The following ACTR3B variants were observed in gnomAD, a reference collection of about 807,000 sequenced individuals.
The protein encoded by ACTR3B is actin related protein 3B, also known as actin-related protein 3B.
In ACTR3B, 8 loss-of-function variants were observed where a neutral mutation model predicts 59.0. That is an observed-to-expected ratio of 0.14 (90% CI 0.08 to 0.24). The LOEUF is 0.24. Ranked by LOEUF, ACTR3B falls within the 10% of genes least tolerant of loss-of-function variation. The pLI, the probability that ACTR3B is intolerant of heterozygous loss-of-function variation, is 1.00. For missense variants in ACTR3B, 245 were observed against 552.3 expected (o/e 0.44, Z 5.58); for synonymous variants, 148 against 197.9 (o/e 0.75, Z 2.12).
At position 152,759,807 on chromosome 7, in the gene ACTR3B, G is replaced by C. The variant is rs1305991086; in HGVS notation, c.-76G>C. On this transcript the variant is annotated 5_prime_UTR_variant, in exon 1 of 12. Transcript: ENST00000256001. Reference sequence around the variant, plus strand: ...GCTCGCGGGAGACGCTGCGCGCGGGGCTAGCGGGCGGCGGAGCGGACGGCG... The same window carrying C: ...GCTCGCGGGAGACGCTGCGCGCGGGCCTAGCGGGCGGCGGAGCGGACGGCG... The C allele has an allele frequency of 2.7e-6, 3 of 1,114,864 alleles. No individual in the cohort carries two copies. Among genetic ancestry groups the C allele is most frequent in the South Asian group, 4.1e-5 (1 of 24,288 alleles). The allele number at this position is 1,114,864 out of a possible 1,614,324, so 69.1% of individuals were successfully genotyped here. A position where few individuals can be genotyped will look rare whatever the true frequency, so the allele number is the denominator to read the frequency against.
intron 2 of ACTR3B, among the ~76,000 whole-genome samples, chr7:152,799,406 G>C (rs1455826265): frequency 1.3e-5 from 2 of 152,154 alleles, no homozygotes; most frequent in Non-Finnish European, 2.9e-5. Context: ...TTCCCTTTCT[G>C]TGAAATGCAG....
Position 152,824,664 on chromosome 7 carries a change from A to G in ACTR3B, c.859-366A>G, listed in dbSNP as rs1197772575. ...ATACTAATTTTCTCATAATACGAAT[A>G]TTGTCAAATGATATGTCAAAGTCAT... On this transcript the variant is annotated intron_variant, in intron 8 of 11. Coordinates refer to ENST00000256001, the MANE Select transcript of ACTR3B (RefSeq NM_020445.6). This position sits in a 1 kb window ranked among gnomAD's most constrained non-coding sequence, Gnocchi z 4.2. Among the ~76,000 whole-genome samples, 1 of 152,118 alleles carries G rather than the reference A, an allele frequency of 6.6e-6. No homozygotes were observed. The highest frequency in any genetic ancestry group is 2.4e-5 in the African/African-American group (1 of 41,428).
chr7:152,821,199 T>A lies in ACTR3B; in HGVS notation c.684+757T>A, dbSNP rs191048744. 2.3e-3 allele frequency among the ~76,000 whole-genome samples: 355 copies of A among 152,278 alleles called. 6 individuals are homozygous for A. In the East Asian group the frequency reaches 0.032, roughly 14 times the overall value. On this transcript the variant is annotated intron_variant, in intron 7 of 11. Transcript: ENST00000256001. ...TCTCAGGGGAAGGTTTCCTGAGGTA[T>A]CATTAGATATTCTTTTTTAGACTAA... is the stretch of plus-strand genomic sequence containing the variant.
At position 152,853,834 on chromosome 7, in the gene ACTR3B, A is replaced by T. The variant is rs376973783; in HGVS notation, c.1161+257A>T. 6.3e-4 allele frequency among the ~76,000 whole-genome samples: 96 copies of T among 152,190 alleles called. 1 individual carries two copies. The highest frequency in any genetic ancestry group is 2.3e-3 in the African/African-American group (95 of 41,516). The stretch of plus-strand genomic sequence containing the variant: ...CGGGTTTAAGCAATTCTCCAGCCTC[A>T]GCCTCCTGAGTAGCTGGGACTACAG... On this transcript the variant is annotated intron_variant, in intron 11 of 11. Coordinates refer to ENST00000256001, the MANE Select transcript of ACTR3B (RefSeq NM_020445.6).
At chr7:152,852,884 T>C (rs572046646) in intron 10 of ACTR3B, among the ~76,000 whole-genome samples, 26 of 150,544 alleles carry the variant, frequency 1.7e-4, no homozygotes, top group South Asian at 1.5e-3. Context: ...CTCTGCCTCC[T>C]GGGTTCACAC....
rs139079402 is a variant in ACTR3B at position 152,771,541 on chromosome 7, G to A, written c.44+11615G>A. 3.3e-3 allele frequency among the ~76,000 whole-genome samples: 498 copies of A among 152,310 alleles called. 1 individual carries two copies. Among genetic ancestry groups the A allele is most frequent in the African/African-American group, 0.011 (461 of 41,566 alleles). On this transcript the variant is annotated intron_variant, in intron 1 of 11. Transcript: ENST00000256001. Reference sequence around the variant, plus strand: ...CGGTAGGAAAGAACAAAGAGGTCATGGTGATTAGAGAGAAGATTGAAGCTG... The same window carrying A: ...CGGTAGGAAAGAACAAAGAGGTCATAGTGATTAGAGAGAAGATTGAAGCTG...
At chr7:152,843,662 T>C (rs977537320) in intron 9 of ACTR3B, among the ~76,000 whole-genome samples, 1 of 152,202 alleles carries the variant, frequency 6.6e-6, no homozygotes, top group Non-Finnish European at 1.5e-5. Context: ...TACAGAGACA[T>C]GACAAGTAAT....
chr7:152,845,542 G>A (rs1464743475), intron 9 of ACTR3B, among the ~76,000 whole-genome samples: 2 of 152,270 alleles, frequency 1.3e-5, no homozygotes, highest in East Asian at 3.8e-4. Flanking sequence ...GTTTCACGGT[G>A]AGGAAGCAGG....
chr7:152,795,778 C>A (rs2098214171), intron 2 of ACTR3B, among the ~76,000 whole-genome samples: 1 of 152,038 alleles, frequency 6.6e-6, no homozygotes, highest in Non-Finnish European at 1.5e-5. Context: ...ACATTAAACA[C>A]ACCCGTGCAA....
rs1203634638 is a variant in ACTR3B, at chr7:152,771,508, G to A, written c.44+11582G>A. ...GTGAGGATCAACTTCCTGAAATTAC[G>A]TAGACCACGGTAGGAAAGAACAAAG... On this transcript the variant is annotated intron_variant, in intron 1 of 11. Transcript: ENST00000256001. Among the ~76,000 whole-genome samples the A allele has an allele frequency of 2.6e-5, 4 of 152,158 alleles. No homozygotes were observed. In the South Asian group the frequency reaches 6.2e-4, roughly 24 times the overall value.
intron 1 of ACTR3B, among the ~76,000 whole-genome samples, chr7:152,769,330 T>G (rs925191598): frequency 2.6e-5 from 4 of 152,160 alleles, no homozygotes; most frequent in Non-Finnish European, 5.9e-5. Flanking sequence ...TTCACTAGAG[T>G]TGTTGATTTA....
At position 152,853,413 on chromosome 7, in the gene ACTR3B, C is replaced by G. The variant is rs186912886; in HGVS notation, c.1078-81C>G. The G allele has an allele frequency of 2.3e-6, 3 of 1,324,422 alleles. No individual in the cohort carries two copies. The African/African-American group carries it at 4.4e-5, about 19-fold the overall frequency. The allele number at this position is 1,324,422 out of a possible 1,614,324, so 82.0% of individuals were successfully genotyped here. ...AAGAGGAGGGCGGCCCTGGGTGCAG[C>G]TGTGGTCTCGTCAGCCGGGGGATGA... On this transcript the variant is annotated intron_variant, in intron 10 of 11. Transcript: ENST00000256001.
chr7:152,854,293 C>T lies in ACTR3B; in HGVS notation c.1162-165C>T, dbSNP rs1245683555. On this transcript the variant is annotated intron_variant, in intron 11 of 11. Transcript: ENST00000256001. This position sits in a 1 kb window ranked among gnomAD's most constrained non-coding sequence, Gnocchi z 4.9. The stretch of plus-strand genomic sequence containing the variant: ...AAATTTCTAAAAAGTGAAATAACTC[C>T]CCATTTAGTAGTTTAGTACATCAGA... 6.6e-6 allele frequency among the ~76,000 whole-genome samples: 1 copy of T among 152,096 alleles called. No homozygotes were observed. The highest frequency in any genetic ancestry group is 6.6e-5 in the Admixed American group (1 of 15,266).
At chr7:152,780,166 C>T (rs147240044) in intron 1 of ACTR3B, among the ~76,000 whole-genome samples, 1,847 of 152,134 alleles carry the variant, frequency 0.012, 36 homozygotes, top group African/African-American at 0.043. Context: ...GCTTGGCCAA[C>T]ATGGTGAAAC....
intron 1 of ACTR3B, among the ~76,000 whole-genome samples, chr7:152,780,722 C>T (rs1241020329): frequency 2.0e-5 from 3 of 151,790 alleles, no homozygotes. Flanking sequence ...CCATTTGTTT[C>T]ATACATTTCA....
rs542283229 is a variant in ACTR3B at position 152,791,118 on chromosome 7, A to G, written c.100+7876A>G. Among the ~76,000 whole-genome samples, 37 of 151,600 alleles carry G rather than the reference A, an allele frequency of 2.4e-4. No homozygotes were observed. In the South Asian group the frequency reaches 4.2e-3, roughly 17 times the overall value. ...AACCTTCACCTCCTGGGTTCAAGCA[A>G]TTCTGCCTCAGCCTCCCAAGTAGCT... On this transcript the variant is annotated intron_variant, in intron 2 of 11. Coordinates refer to ENST00000256001, the MANE Select transcript of ACTR3B (RefSeq NM_020445.6).
At position 152,852,407 on chromosome 7, in the gene ACTR3B, G is replaced by A. The variant is rs115650402; in HGVS notation, c.1077+156G>A. Among the ~76,000 whole-genome samples the A allele has an allele frequency of 1.0e-2, 1,517 of 152,270 alleles. 27 individuals are homozygous for A. Among genetic ancestry groups the A allele is most frequent in the African/African-American group, 0.034 (1,415 of 41,556 alleles). On this transcript the variant is annotated intron_variant, in intron 10 of 11. Transcript: ENST00000256001. ...GCTGCATTGTGACATGACCATGGAG[G>A]TTTGCTGCCTGAGGTCCTTCCAGGC...
chr7:152,759,965 C>T (rs1590172118), intron 1 of ACTR3B, 39 bp downstream of exon 1: 1 of 1,327,916 alleles, frequency 7.5e-7, no homozygotes, highest in Non-Finnish European at 9.7e-7. Flanking sequence ...TCCTCCGCGG[C>T]CCCGCTCCCG....
rs1796421074 is a variant in ACTR3B at position 152,824,519 on chromosome 7, A to G, written c.859-511A>G. 1.3e-5 allele frequency among the ~76,000 whole-genome samples: 2 copies of G among 152,214 alleles called. No individual in the cohort carries two copies. The highest frequency in any genetic ancestry group is 6.5e-5 in the Admixed American group (1 of 15,284). ...AATCTATGGCTGTTTATTCAATAAC[A>G]TGATTATCATGTGGATTGTTTCATG... On this transcript the variant is annotated intron_variant, in intron 8 of 11. Transcript: ENST00000256001. This position sits in a 1 kb window ranked among gnomAD's most constrained non-coding sequence, Gnocchi z 4.2.
Sources: allele counts gnomAD v4.1 joint callset (sites outside exome capture counted in the v4.1 genomes callset), GRCh38; gene constraint gnomAD v4.1.1; non-coding constraint Gnocchi (gnomAD v3.1); transcripts MANE v1.5; gene names NCBI Gene and HGNC (gene_info 2026-07-23, HGNC 2026-07-21).